Variants in VPS8 observed in about 807,000 individuals in gnomAD.
VPS8 encodes VPS8 subunit of CORVET complex, also known as vacuolar protein sorting-associated protein 8 homolog.
A neutral mutation model predicts 216.4 loss-of-function variants in VPS8; 129 were observed. That is an observed-to-expected ratio of 0.60 (90% CI 0.52 to 0.69). The LOEUF (loss-of-function observed/expected upper bound fraction) is 0.69. Ranked by LOEUF, VPS8 falls within the 30% of genes least tolerant of loss-of-function variation. The pLI is 0.00. For missense variants in VPS8, 1,531 were observed against 1,683.5 expected, an observed-to-expected ratio of 0.91 and a Z score of 1.59; for synonymous variants, 571 against 565.4, an observed-to-expected ratio of 1.01 and a Z score of -0.14.
intron 14 of VPS8, among the ~76,000 whole-genome samples, chr3:184,859,244 G>A (rs1475677646): frequency 2.0e-5 from 3 of 152,210 alleles, no homozygotes; most frequent in Admixed American, 6.5e-5. Context: ...TTCTTAAAAC[G>A]AGTTACCCAT....
intron 44 of VPS8, 53 bp downstream of exon 44, chr3:184,996,554 T>C: frequency 6.6e-7 from 1 of 1,521,830 alleles, no homozygotes; most frequent in Non-Finnish European, 8.9e-7. Flanking sequence ...TCTGTGGCAT[T>C]ACCAGGCAAG....
Position 184,852,960 on chromosome 3 carries a change from C to T in VPS8, c.821+393C>T, listed in dbSNP as rs539351803. On this transcript the variant is annotated intron_variant, in intron 11 of 47. Transcript: ENST00000625842. ...CATGTTTGCTCTTTAAGAGCAAAGACTGTCTAGATACATCAAAGAACATTT... is the reference window on the plus strand; with the variant it reads ...CATGTTTGCTCTTTAAGAGCAAAGATTGTCTAGATACATCAAAGAACATTT... Among the ~76,000 whole-genome samples, 3 of 152,210 alleles carry T rather than the reference C, an allele frequency of 2.0e-5. No individual in the cohort carries two copies. The East Asian group carries it at 5.8e-4, about 29-fold the overall frequency.
intron 42 of VPS8, among the ~76,000 whole-genome samples, chr3:184,993,645 GT>G (rs1398682292): frequency 6.6e-6 from 1 of 152,138 alleles, no homozygotes; most frequent in Non-Finnish European, 1.5e-5. Context: ...GAGTACACTG[GT>G]TTTAATGTAA....
In VPS8 at chr3:184,826,101, C is replaced by T. The variant is rs1718708515; in HGVS notation, c.154-62C>T. ...TGATGGTGGTTTTAATCAACTAAAA[C>T]CCCTCACAATTATAAGCAGAAAGGC... On this transcript the variant is annotated intron_variant, in intron 2 of 47. Coordinates refer to ENST00000625842, the MANE Select transcript of VPS8 (RefSeq NM_001009921.3). The T allele has an allele frequency of 3.3e-6, 4 of 1,218,670 alleles. No individual in the cohort carries two copies. The South Asian group carries it at 4.1e-5, about 12-fold the overall frequency. 75.5% of individuals were successfully genotyped at this position (1,218,670 alleles called of 1,614,324 possible).
At chr3:185,020,887 C>T (rs1456095188) in intron 45 of VPS8, among the ~76,000 whole-genome samples, 1 of 152,158 alleles carries the variant, frequency 6.6e-6, no homozygotes, top group Non-Finnish European at 1.5e-5. Context: ...AGCTGACCAA[C>T]ATGGTGAAAC....
chr3:184,828,541 T>C (rs1454049102), intron 3 of VPS8, among the ~76,000 whole-genome samples: 5 of 152,204 alleles, frequency 3.3e-5, no homozygotes, highest in Non-Finnish European at 7.3e-5. Flanking sequence ...TTTGAAACTA[T>C]GCTTCTTCTG....
intron 8 of VPS8, among the ~76,000 whole-genome samples, chr3:184,848,325 T>C (rs930821191): frequency 1.3e-5 from 2 of 152,202 alleles, no homozygotes; most frequent in Non-Finnish European, 2.9e-5. Flanking sequence ...ATGGATAATA[T>C]AAATGTAAAT....
intron 1 of VPS8, chr3:184,815,812 G>T (rs1716192037): frequency 7.5e-6 from 1 of 132,934 alleles, no homozygotes; most frequent in Admixed American, 7.9e-5. Flanking sequence ...GTTACTTCCT[G>T]CTCTTAAAAA....
intron 44 of VPS8, among the ~76,000 whole-genome samples, chr3:184,999,234 T>C (rs779871429): frequency 2.8e-4 from 43 of 152,194 alleles, no homozygotes; most frequent in Non-Finnish European, 4.3e-4. Context: ...ATTTTTTGTA[T>C]TTTTAGTAGA....
intron 29 of VPS8, 51 bp downstream of exon 29, chr3:184,920,249 G>A: frequency 8.1e-7 from 1 of 1,239,586 alleles, no homozygotes; most frequent in Non-Finnish European, 1.1e-6. Flanking sequence ...TATTAAGATA[G>A]TTGAGCTGTT....
intron 15 of VPS8, among the ~76,000 whole-genome samples, chr3:184,862,152 G>T (rs1726501670): frequency 6.6e-6 from 1 of 152,092 alleles, no homozygotes; most frequent in African/African-American, 2.4e-5. Context: ...GACATAAAGG[G>T]CAGGGGACGC....
chr3:184,886,749 T>G (rs950849457), intron 22 of VPS8, among the ~76,000 whole-genome samples: 3 of 152,016 alleles, frequency 2.0e-5, no homozygotes, highest in Non-Finnish European at 4.4e-5. Context: ...CCGGCTAATT[T>G]TTTGTATCTT....
chr3:184,837,628 A>G (rs917557254), intron 5 of VPS8, among the ~76,000 whole-genome samples: 2 of 152,164 alleles, frequency 1.3e-5, no homozygotes, highest in Non-Finnish European at 2.9e-5. Context: ...TCCTGTTTCC[A>G]TGTACTGGAG....
At chr3:185,030,897 G>A (rs1023988611) in intron 46 of VPS8, among the ~76,000 whole-genome samples, 1 of 151,922 alleles carries the variant, frequency 6.6e-6, no homozygotes, top group Non-Finnish European at 1.5e-5. Context: ...TGAGTAATTG[G>A]GATTATAGGC....
intron 25 of VPS8, among the ~76,000 whole-genome samples, chr3:184,908,779 T>G (rs1735948563): frequency 6.6e-6 from 1 of 152,174 alleles, no homozygotes; most frequent in Non-Finnish European, 1.5e-5. Context: ...GAAATGGCTT[T>G]CTGCAGAGAG....
intron 16 of VPS8, among the ~76,000 whole-genome samples, chr3:184,865,520 A>C (rs925759753): frequency 2.6e-5 from 4 of 152,184 alleles, no homozygotes; most frequent in African/African-American, 9.7e-5. Flanking sequence ...TATTAGGGAA[A>C]TGCAAATCAA....
intron 32 of VPS8, 107 bp from the exon 33 acceptor site, chr3:184,929,473 A>G: frequency 1.5e-6 from 1 of 670,852 alleles, no homozygotes; most frequent in Non-Finnish European, 2.6e-6. Context: ...TATAAGCATG[A>G]GCCAGGACAC....
intron 25 of VPS8, among the ~76,000 whole-genome samples, chr3:184,902,112 C>G (rs1452470277): frequency 2.8e-5 from 3 of 107,932 alleles, no homozygotes; most frequent in South Asian, 5.4e-4. Context: ...AAATATTTAG[C>G]CCCCCCCCCC....
intron 42 of VPS8, among the ~76,000 whole-genome samples, chr3:184,985,550 A>G (rs768905764): frequency 2.0e-5 from 3 of 152,198 alleles, no homozygotes; most frequent in South Asian, 2.1e-4. Flanking sequence ...CTCTGAATCC[A>G]TATAGGATAA....
Sources: gnomAD v4.1 joint callset for allele counts (sites outside exome capture counted in the v4.1 genomes callset) on GRCh38, gnomAD v4.1.1 for gene constraint, MANE v1.5 for transcripts, NCBI Gene and HGNC (gene_info 2026-07-23, HGNC 2026-07-21) for gene names.